DLGAP2: variants seen among roughly 807,000 people sequenced by gnomAD.
The protein encoded by DLGAP2 is disks large-associated protein 2.
DLGAP2 carries 26 observed loss-of-function variants against 100.3 expected under a neutral mutation model. That is an observed-to-expected ratio of 0.26 (90% CI 0.19 to 0.36). The LOEUF (loss-of-function observed/expected upper bound fraction) is 0.36, where lower values mean the gene tolerates loss of function less well. Among genes scored for constraint, DLGAP2 ranks in the 10% least tolerant of loss-of-function variants. The pLI, the probability that DLGAP2 is intolerant of heterozygous loss-of-function variation, is 1.00. For missense variants in DLGAP2, 1,858 were observed against 1,453.2 expected, an observed-to-expected ratio of 1.28 and a Z score of -4.53; for synonymous variants, 886 against 630.1, an observed-to-expected ratio of 1.41 and a Z score of -6.08.
intron 2 of DLGAP2, among the ~76,000 whole-genome samples, chr8:971,175 G>C (rs954556230): frequency 2.6e-5 from 4 of 152,192 alleles, no homozygotes; most frequent in African/African-American, 9.7e-5. Context: ...CCAACGTAGA[G>C]GATGGGAGAA....
intron 1 of DLGAP2, among the ~76,000 whole-genome samples, chr8:803,179 C>T (rs987356143): frequency 2.0e-5 from 3 of 152,088 alleles, no homozygotes; most frequent in African/African-American, 4.8e-5. Flanking sequence ...GGTTCATCCC[C>T]AGGCCCCGTC....
chr8:1,287,880 AGCAT>A, intron 3 of DLGAP2, among the ~76,000 whole-genome samples: 1 of 95,902 alleles, frequency 1.0e-5, no homozygotes, highest in Non-Finnish European at 1.9e-5. Context: ...GTTTTGGTTC[AGCAT>A]GTGTGTGTGT....
intron 7 of DLGAP2, among the ~76,000 whole-genome samples, chr8:1,631,364 T>C (rs1420818365): frequency 6.6e-6 from 1 of 152,172 alleles, no homozygotes; most frequent in Non-Finnish European, 1.5e-5. Context: ...GGTTCTGACC[T>C]TCTCACGCTG....
chr8:1,264,095 C>T (rs1388978984), intron 3 of DLGAP2, among the ~76,000 whole-genome samples: 1 of 152,080 alleles, frequency 6.6e-6, no homozygotes, highest in Non-Finnish European at 1.5e-5. Context: ...CCCATGCCCA[C>T]TAAGAATAAA....
At chr8:1,497,332 G>A (rs1348095780) in intron 3 of DLGAP2, among the ~76,000 whole-genome samples, 1 of 152,196 alleles carries the variant, frequency 6.6e-6, no homozygotes, top group East Asian at 1.9e-4. Flanking sequence ...CTCCCTGGGA[G>A]GTATTCAGTT....
At chr8:1,228,095 G>A (rs905515184) in intron 2 of DLGAP2, among the ~76,000 whole-genome samples, 7 of 152,082 alleles carry the variant, frequency 4.6e-5, no homozygotes, top group African/African-American at 1.2e-4. Flanking sequence ...GGGGAATGGG[G>A]GAGGGATAGC....
intron 2 of DLGAP2, among the ~76,000 whole-genome samples, chr8:1,185,287 T>C (rs1665677111): frequency 6.6e-6 from 1 of 152,170 alleles, no homozygotes. Flanking sequence ...ACTTCAGGGC[T>C]GTGGTGCAAT....
chr8:1,097,091 T>C lies in DLGAP2; in HGVS notation c.74-161760T>C, dbSNP rs564321878. On this transcript the variant is annotated intron_variant, in intron 2 of 14. Transcript: ENST00000637795. ...CTCCAGTGTGAGACCCACCTCCCTG[T>C]GCTCAGGAGAGTCAAGCTGGGAGCC... Among the ~76,000 whole-genome samples, 28 of 116,104 alleles carry C rather than the reference T, an allele frequency of 2.4e-4. 1 individual carries two copies. The highest frequency in any genetic ancestry group is 8.3e-4 in the African/African-American group (23 of 27,870). 76.2% of individuals were successfully genotyped at this position (116,104 alleles called of 152,430 possible).
At chr8:874,125 T>C (rs1797647488) in intron 1 of DLGAP2, among the ~76,000 whole-genome samples, 1 of 152,124 alleles carries the variant, frequency 6.6e-6, no homozygotes, top group African/African-American at 2.4e-5. Context: ...TAGCTAAAAG[T>C]TTGTCAATTT....
intron 2 of DLGAP2, among the ~76,000 whole-genome samples, chr8:1,012,608 CG>C (rs1241885430): frequency 7.6e-6 from 1 of 131,414 alleles, no homozygotes; most frequent in African/African-American, 2.9e-5. Flanking sequence ...ACCGTCTGAC[CG>C]GCCCCCCCGA....
chr8:811,221 G>A (rs987327897), intron 1 of DLGAP2, among the ~76,000 whole-genome samples: 4 of 152,286 alleles, frequency 2.6e-5, no homozygotes, highest in East Asian at 1.9e-4. Context: ...TTCTGGGAAA[G>A]AGGTTTCCTC....
chr8:1,146,338 C>T (rs1034594828), intron 2 of DLGAP2, among the ~76,000 whole-genome samples: 6 of 152,178 alleles, frequency 3.9e-5, no homozygotes, highest in African/African-American at 1.4e-4. Flanking sequence ...GCTGTCTTTA[C>T]GGATTCCAGA....
chr8:1,634,745 C>T (rs181220971), intron 8 of DLGAP2, among the ~76,000 whole-genome samples: 2 of 152,156 alleles, frequency 1.3e-5, no homozygotes, highest in Non-Finnish European at 2.9e-5. Flanking sequence ...ATCATTACCT[C>T]GTAGAAAAGG....
At chr8:1,476,286 G>T (rs764744784) in intron 3 of DLGAP2, among the ~76,000 whole-genome samples, 4 of 152,082 alleles carry the variant, frequency 2.6e-5, no homozygotes, top group Non-Finnish European at 5.9e-5. Context: ...TAATCCCTCT[G>T]AAGTCTTATT....
intron 3 of DLGAP2, among the ~76,000 whole-genome samples, chr8:1,477,018 G>GTTT (rs1798952353): frequency 6.7e-6 from 1 of 148,208 alleles, no homozygotes; most frequent in Non-Finnish European, 1.5e-5. Flanking sequence ...CACCTGTGAA[G>GTTT]ACAGGTTTAT....
At chr8:1,106,196 G>A (rs528934190) in intron 2 of DLGAP2, among the ~76,000 whole-genome samples, 2 of 146,644 alleles carry the variant, frequency 1.4e-5, no homozygotes, top group South Asian at 4.5e-4. Flanking sequence ...TTCTACTGAA[G>A]GGAGCCATTC....
At chr8:1,138,034 C>T (rs1261639549) in intron 2 of DLGAP2, among the ~76,000 whole-genome samples, 1 of 152,200 alleles carries the variant, frequency 6.6e-6, no homozygotes, top group Non-Finnish European at 1.5e-5. Flanking sequence ...CGGCGCCCGG[C>T]CCCCTCTCTC....
chr8:1,468,975 C>T (rs1037593590), intron 3 of DLGAP2, among the ~76,000 whole-genome samples: 1 of 152,192 alleles, frequency 6.6e-6, no homozygotes, highest in African/African-American at 2.4e-5. Flanking sequence ...CTCTGTACGA[C>T]CTCATCTGAA....
At chr8:1,541,675 C>A (rs544439737) in intron 4 of DLGAP2, among the ~76,000 whole-genome samples, 2 of 152,354 alleles carry the variant, frequency 1.3e-5, no homozygotes, top group African/African-American at 4.8e-5. Flanking sequence ...AGAACCTCTG[C>A]CAGCTCACCC....
Sources: gnomAD v4.1 joint callset for allele counts (sites outside exome capture counted in the v4.1 genomes callset) on GRCh38, gnomAD v4.1.1 for gene constraint, MANE v1.5 for transcripts, NCBI Gene and HGNC (gene_info 2026-07-23, HGNC 2026-07-21) for gene names.